The following CNOT6 variants were observed in gnomAD, a reference collection of about 807,000 sequenced individuals.
CNOT6 encodes carbon catabolite repression 4 protein.
In CNOT6, 12 loss-of-function variants were observed where a neutral mutation model predicts 61.2. The ratio of observed to expected loss-of-function variants is 0.20; its 90% confidence interval spans 0.13 to 0.32. CNOT6 has a LOEUF of 0.32. Ranked by LOEUF, CNOT6 falls within the 10% of genes least tolerant of loss-of-function variation. The pLI is 1.00. For synonymous variants in CNOT6, 225 were observed against 240.6 expected (o/e 0.94, Z 0.60); for missense variants, 405 against 663.9 (o/e 0.61, Z 4.28).
chr5:180,574,736 A>AT lies in CNOT6; in HGVS notation c.*536_*537insT, dbSNP rs1760932969. 2 of 154,260 alleles carry AT rather than the reference A, an allele frequency of 1.3e-5. No individual in the cohort carries two copies. Among genetic ancestry groups the AT allele is most frequent in the Non-Finnish European group, 2.9e-5 (2 of 69,220 alleles). 9.6% of individuals were successfully genotyped at this position (154,260 alleles called of 1,614,324 possible). A position where few individuals can be genotyped will look rare whatever the true frequency, so the allele number is the denominator to read the frequency against. ...ATGATTGTATTGTAAACTGAGGCTA[A>AT]ATTTTTTTTTAAACCTGTTTCATGT... On this transcript the variant is annotated 3_prime_UTR_variant, in exon 12 of 12. Coordinates refer to ENST00000261951, the MANE Select transcript of CNOT6 (RefSeq NM_001370472.1).
intron 2 of CNOT6, among the ~76,000 whole-genome samples, chr5:180,533,348 G>A (rs1279219752): frequency 1.7e-5 from 2 of 120,696 alleles, no homozygotes; most frequent in Admixed American, 8.0e-5. Flanking sequence ...ATATATCACC[G>A]TAATACAACA....
chr5:180,578,230 C>A lies in CNOT6; in HGVS notation c.*4030C>A, dbSNP rs1761093535. 6.6e-6 allele frequency: 1 copy of A among 152,550 alleles called. No homozygotes were observed. Among genetic ancestry groups the A allele is most frequent in the Non-Finnish European group, 1.5e-5 (1 of 68,026 alleles). 9.4% of individuals were successfully genotyped at this position (152,550 alleles called of 1,614,324 possible). ...TTTTATATTTAGGCAACTGATGGTC[C>A]TTTTGCATTTAGGATTTTCGTTGTT... On this transcript the variant is annotated 3_prime_UTR_variant, in exon 12 of 12. Transcript: ENST00000261951.
chr5:180,557,485 A>G (rs12187335), intron 4 of CNOT6, among the ~76,000 whole-genome samples: 27,736 of 152,108 alleles, frequency 0.18, 2,593 homozygotes, highest in Non-Finnish European at 0.19. Context: ...AAGATACCCA[A>G]CATCTTTGCA....
chr5:180,565,386 A>G (rs1760401700), intron 6 of CNOT6, among the ~76,000 whole-genome samples: 1 of 152,224 alleles, frequency 6.6e-6, no homozygotes. Flanking sequence ...TTGGTCTGTG[A>G]TACCGTTTTC....
intron 3 of CNOT6, among the ~76,000 whole-genome samples, chr5:180,551,064 C>T (rs1759572104): frequency 6.6e-6 from 1 of 151,988 alleles, no homozygotes; most frequent in South Asian, 2.1e-4. Flanking sequence ...TAATTGCAGA[C>T]TGCATGTGGT....
At chr5:180,497,994 G>C (rs561934600) in intron 1 of CNOT6, among the ~76,000 whole-genome samples, 1 of 149,830 alleles carries the variant, frequency 6.7e-6, no homozygotes, top group Admixed American at 6.7e-5. Flanking sequence ...AGTGAGCCGA[G>C]AGCACGCCAT....
chr5:180,513,485 G>A (rs2127705073), intron 1 of CNOT6, among the ~76,000 whole-genome samples: 2 of 151,850 alleles, frequency 1.3e-5, no homozygotes, highest in South Asian at 4.2e-4. Context: ...TCCTGCCTCA[G>A]CTTCCCTACT....
At chr5:180,568,044 C>T in intron 9 of CNOT6, 41 bp downstream of exon 9, 1 of 1,535,144 alleles carries the variant, frequency 6.5e-7, no homozygotes, top group East Asian at 2.3e-5. Flanking sequence ...CCAGCTCTGA[C>T]TAGACATCTT....
chr5:180,567,368 G>A (rs1760516929), intron 8 of CNOT6, 126 bp downstream of exon 8: 1 of 805,412 alleles, frequency 1.2e-6, no homozygotes, highest in Admixed American at 3.2e-5. Flanking sequence ...AAAGAATACT[G>A]TTTGACCTAG....
At chr5:180,523,442 A>G (rs940711731) in intron 1 of CNOT6, among the ~76,000 whole-genome samples, 11 of 144,824 alleles carry the variant, frequency 7.6e-5, no homozygotes, top group Admixed American at 6.9e-4. Flanking sequence ...CAAATGTTTG[A>G]TTGTCCCTAA....
intron 1 of CNOT6, among the ~76,000 whole-genome samples, chr5:180,494,999 C>T (rs1422960571): frequency 6.6e-6 from 1 of 151,950 alleles, no homozygotes; most frequent in African/African-American, 2.4e-5. Flanking sequence ...TTGACGGCGG[C>T]GGCGGCGGCG....
At chr5:180,541,470 G>A (rs1371124254) in intron 2 of CNOT6, among the ~76,000 whole-genome samples, 1 of 6,766 alleles carries the variant, frequency 1.5e-4, no homozygotes, top group Non-Finnish European at 3.8e-4. Flanking sequence ...TTTTTTTTTT[G>A]AGACAGAGTT....
intron 8 of CNOT6, 108 bp from the exon 9 acceptor site, chr5:180,567,741 G>A: frequency 6.9e-7 from 1 of 1,445,064 alleles, no homozygotes; most frequent in Admixed American, 1.8e-5. Flanking sequence ...TGTGATTTAA[G>A]TGCCATCGTA....
chr5:180,552,060 G>C (rs190673382), intron 3 of CNOT6, among the ~76,000 whole-genome samples: 60 of 151,456 alleles, frequency 4.0e-4, no homozygotes, highest in Non-Finnish European at 7.5e-4. Context: ...GTAGAGACAG[G>C]GTTTCACCAT....
At chr5:180,531,982 C>T (rs2127723550) in intron 2 of CNOT6, among the ~76,000 whole-genome samples, 1 of 152,256 alleles carries the variant, frequency 6.6e-6, no homozygotes, top group South Asian at 2.1e-4. Context: ...GAGAGGGAGA[C>T]CGGGGAGAGG....
chr5:180,545,411 A>T (rs1759264901), intron 2 of CNOT6, among the ~76,000 whole-genome samples: 1 of 152,126 alleles, frequency 6.6e-6, no homozygotes, highest in Non-Finnish European at 1.5e-5. Context: ...AAATGATGTT[A>T]TACAGTATGT....
intron 1 of CNOT6, among the ~76,000 whole-genome samples, chr5:180,509,345 T>A (rs1302903405): frequency 6.6e-6 from 1 of 152,040 alleles, no homozygotes; most frequent in Non-Finnish European, 1.5e-5. Context: ...ATGTTACTGG[T>A]CTTGAACTCC....
chr5:180,532,503 C>G (rs374319692), intron 2 of CNOT6, among the ~76,000 whole-genome samples: 21 of 152,244 alleles, frequency 1.4e-4, no homozygotes, highest in African/African-American at 3.1e-4. Flanking sequence ...AAACCCTCAA[C>G]CCATGTTTTT....
At chr5:180,520,071 T>G (rs1446393939) in intron 1 of CNOT6, among the ~76,000 whole-genome samples, 1 of 152,070 alleles carries the variant, frequency 6.6e-6, no homozygotes, top group African/African-American at 2.4e-5. Context: ...TGACCTCAAG[T>G]GATCTGCCTG....
Sources: gnomAD v4.1 joint callset for allele counts (sites outside exome capture counted in the v4.1 genomes callset) on GRCh38, gnomAD v4.1.1 for gene constraint, MANE v1.5 for transcripts, NCBI Gene and HGNC (gene_info 2026-07-23, HGNC 2026-07-21) for gene names.